Variants in FRY observed in about 807,000 individuals in gnomAD.
FRY encodes the protein FRY microtubule binding protein.
A neutral mutation model predicts 348.4 loss-of-function variants in FRY; 128 were observed. The ratio of observed to expected loss-of-function variants is 0.37; its 90% CI spans 0.32 to 0.43. FRY has a LOEUF of 0.43. Ranked by LOEUF, FRY falls within the 20% of genes least tolerant of loss-of-function variation. FRY has a pLI of 1.00. For synonymous variants in FRY, 1,370 were observed against 1,374.7 expected, an observed-to-expected ratio of 1.00 and a Z score of 0.08; for missense variants, 2,736 against 3,695.2, an observed-to-expected ratio of 0.74 and a Z score of 6.73.
Position 32,237,913 on chromosome 13 carries a change from C to T in FRY, c.6345C>T (p.Asp2115=), listed in dbSNP as rs1238963634. ...LKGFTSLTTT[D]LTLQLFSLLT... ...GATTCACATCCCTCACCACCACAGA[C>T]CTGACCCTGCAGCTCTTCAGTCTGC... Residue 2115 remains aspartate (D), a synonymous_variant, in exon 44 of 61, where the codon GAC becomes GAT. Transcript: ENST00000542859. The surrounding 1 kb of genome is among the most constrained non-coding windows in gnomAD (Gnocchi z 6.3). 3 of 1,613,986 alleles carry T rather than the reference C, an allele frequency of 1.9e-6. No individual in the cohort carries two copies. The highest frequency in any genetic ancestry group is 2.7e-5 in the African/African-American group (2 of 74,914).
chr13:32,050,985 T>C (rs907531292), intron 1 of FRY, among the ~76,000 whole-genome samples: 2 of 152,158 alleles, frequency 1.3e-5, no homozygotes, highest in Non-Finnish European at 2.9e-5. Context: ...CAACATAACA[T>C]GTCAACAGAC....
Position 32,135,068 on chromosome 13 carries a change from A to G in FRY, c.979-17A>G, listed in dbSNP as rs115128756. ...ACAATTTTATTAATATAATATTCAC[A>G]TGCATCTCTATTTCAGGCTGTTAAA... On this transcript the variant is annotated splice_polypyrimidine_tract_variant and intron_variant, in intron 9 of 60. Transcript: ENST00000542859. 2,647 of 1,560,454 alleles carry G rather than the reference A, an allele frequency of 1.7e-3. 52 individuals carry two copies. The African/African-American group carries it at 0.032, about 19-fold the overall frequency.
chr13:32,246,627 T>G (rs1886818111), intron 47 of FRY, among the ~76,000 whole-genome samples: 1 of 152,172 alleles, frequency 6.6e-6, no homozygotes, highest in Non-Finnish European at 1.5e-5. Flanking sequence ...TGGCTTGGTC[T>G]GAAGAGTTCT....
intron 1 of FRY, among the ~76,000 whole-genome samples, chr13:32,040,829 A>G (rs369666): frequency 0.45 from 68,787 of 151,962 alleles, 18,212 homozygotes; most frequent in South Asian, 0.58. Context: ...ATATATGATG[A>G]TACAGCTAAA....
intron 46 of FRY, among the ~76,000 whole-genome samples, 163 bp downstream of exon 46, chr13:32,240,044 A>G (rs1278974858): frequency 6.6e-6 from 1 of 152,210 alleles, no homozygotes; most frequent in East Asian, 1.9e-4. Flanking sequence ...GAAATGAAGG[A>G]TAAAATCTAT....
At position 32,278,517 on chromosome 13, in the gene FRY, TTACCTGTCAAC is replaced by T; in HGVS notation, c.8439_8449del (p.Thr2814ArgfsTer16). 1.9e-6 allele frequency: 3 copies of T among 1,596,582 alleles called. No individual in the cohort carries two copies. Among genetic ancestry groups the T allele is most frequent in the Non-Finnish European group, 2.6e-6 (3 of 1,164,066 alleles). ...GCAGGGGGATCAAGAGATGGAGTAA[TTACCTGTCAAC>T]CAGGGGACTCCGAAGAAAAGGTAAT... On this transcript the variant is annotated frameshift_variant, in exon 58 of 61. Transcript: ENST00000542859. LOFTEE classifies it high-confidence loss of function.
At chr13:32,035,394 A>G (rs1208898225) in intron 1 of FRY, among the ~76,000 whole-genome samples, 1 of 152,222 alleles carries the variant, frequency 6.6e-6, no homozygotes, top group Non-Finnish European at 1.5e-5. Flanking sequence ...CCCTAAGTGC[A>G]TACTTTCTAG....
chr13:32,072,657 C>T (rs765148214), intron 1 of FRY, among the ~76,000 whole-genome samples: 8 of 151,848 alleles, frequency 5.3e-5, no homozygotes, highest in Non-Finnish European at 1.0e-4. Context: ...CACAGAGTGA[C>T]ATGTTCGCAA....
At chr13:32,228,035 C>A (rs1885688893) in intron 39 of FRY, among the ~76,000 whole-genome samples, 1 of 152,210 alleles carries the variant, frequency 6.6e-6, no homozygotes, top group African/African-American at 2.4e-5. Flanking sequence ...CAGGCGTGAG[C>A]CACCGCGCCC....
intron 8 of FRY, 68 bp downstream of exon 8, chr13:32,131,908 C>A: frequency 2.4e-6 from 3 of 1,231,700 alleles, no homozygotes; most frequent in Non-Finnish European, 3.6e-6. Flanking sequence ...AAATGATGAA[C>A]CTGGAACATG....
At position 32,298,547 on chromosome 13, in the gene FRY, T is replaced by C. The variant is rs1214364933; in HGVS notation, c.*3087T>C. On this transcript the variant is annotated 3_prime_UTR_variant, in exon 61 of 61. Coordinates refer to ENST00000542859, the MANE Select transcript of FRY (RefSeq NM_023037.3). ...GATGTGGTCCCTGTTCCCATGAGGC[T>C]CCTACATTTGAGTGGAGGAAGATGT... The C allele has an allele frequency of 4.6e-5, 7 of 152,198 alleles. No homozygotes were observed. The highest frequency in any genetic ancestry group is 1.7e-4 in the African/African-American group (7 of 41,440). 9.4% of individuals were successfully genotyped at this position (152,198 alleles called of 1,614,324 possible). A position where few individuals can be genotyped will look rare whatever the true frequency, so the allele number is the denominator to read the frequency against.
At chr13:32,223,940 T>C (rs531266858) in intron 36 of FRY, among the ~76,000 whole-genome samples, 22 of 152,122 alleles carry the variant, frequency 1.4e-4, no homozygotes, top group African/African-American at 5.3e-4. Flanking sequence ...TTTTGCCATG[T>C]TGGCCAGGCT....
chr13:32,032,029 T>TTCTTTCTTTCTTTC (rs1872263696), intron 1 of FRY, among the ~76,000 whole-genome samples, 164 bp downstream of exon 1: 1 of 150,778 alleles, frequency 6.6e-6, no homozygotes, highest in African/African-American at 2.5e-5. Flanking sequence ...TTCTTTTTCT[T>TTCTTTCTTTCTTTC]TCTTTCTTTC....
chr13:32,068,173 T>C (rs1412569788), intron 1 of FRY, among the ~76,000 whole-genome samples: 1 of 151,896 alleles, frequency 6.6e-6, no homozygotes, highest in African/African-American at 2.4e-5. Flanking sequence ...TTCAAGGTCT[T>C]GTCCAAATAA....
At chr13:32,136,501 C>T (rs2106134) in intron 10 of FRY, among the ~76,000 whole-genome samples, 84,019 of 152,138 alleles carry the variant, frequency 0.55, 25,013 homozygotes, top group East Asian at 0.9. Context: ...TTTTCAAAAT[C>T]TGTGTGCCTT....
intron 28 of FRY, among the ~76,000 whole-genome samples, chr13:32,188,145 T>C (rs1883131996): frequency 6.6e-6 from 1 of 152,050 alleles, no homozygotes; most frequent in African/African-American, 2.4e-5. Flanking sequence ...CTTCAAAAAG[T>C]TTTGTGGGAG....
At position 32,295,806 on chromosome 13, in the gene FRY, A is replaced by G. The variant is rs1448119597; in HGVS notation, c.*346A>G. 1 of 275,188 alleles carries G rather than the reference A, an allele frequency of 3.6e-6. No individual in the cohort carries two copies. Among genetic ancestry groups the G allele is most frequent in the Non-Finnish European group, 6.9e-6 (1 of 144,818 alleles). The allele number at this position is 275,188 out of a possible 1,614,324, so 17.0% of individuals were successfully genotyped here. A position where few individuals can be genotyped will look rare whatever the true frequency, so the allele number is the denominator to read the frequency against. ...CCTTCCTTTCTAGAAACAATTTTAGATTGGCAAAAGTGCAATGTTTTCTTC... is the reference window on the plus strand; with the variant it reads ...CCTTCCTTTCTAGAAACAATTTTAGGTTGGCAAAAGTGCAATGTTTTCTTC... On this transcript the variant is annotated 3_prime_UTR_variant, in exon 61 of 61. Coordinates refer to ENST00000542859, the MANE Select transcript of FRY (RefSeq NM_023037.3).
chr13:32,116,203 T>C (rs942567524), intron 3 of FRY, among the ~76,000 whole-genome samples: 1 of 152,176 alleles, frequency 6.6e-6, no homozygotes, highest in Admixed American at 6.5e-5. Flanking sequence ...AGGTTCTTGA[T>C]ATGTATTTCC....
At chr13:32,107,682 CA>C (rs1877649566) in intron 3 of FRY, among the ~76,000 whole-genome samples, 1 of 152,150 alleles carries the variant, frequency 6.6e-6, no homozygotes, top group African/African-American at 2.4e-5. Context: ...AATAGAACTA[CA>C]ATCAGATAAA....
Sources: gnomAD v4.1 joint callset for allele counts (sites outside exome capture counted in the v4.1 genomes callset) on GRCh38, gnomAD v4.1.1 for gene constraint, Gnocchi (gnomAD v3.1) non-coding constraint, MANE v1.5 for transcripts, NCBI Gene and HGNC (gene_info 2026-07-23, HGNC 2026-07-21) for gene names.